The following SSH2 variants were observed in gnomAD, a reference collection of about 807,000 sequenced individuals.
SSH2 encodes the protein slingshot protein phosphatase 2.
A neutral mutation model predicts 135.2 loss-of-function variants in SSH2; 37 were observed. That is an observed-to-expected ratio of 0.27 (90% CI 0.21 to 0.36). The LOEUF is 0.36. Among genes scored for constraint, SSH2 ranks in the 10% least tolerant of loss-of-function variants. The pLI is 1.00. For synonymous variants in SSH2, 628 were observed against 646.2 expected (o/e 0.97, Z 0.43); for missense variants, 1,408 against 1,765.3 (o/e 0.80, Z 3.63).
At chr17:29,715,513 G>A (rs1019380725) in intron 3 of SSH2, among the ~76,000 whole-genome samples, 17 of 152,064 alleles carry the variant, frequency 1.1e-4, no homozygotes, top group Non-Finnish European at 2.4e-4. Context: ...CCAAAGTGCT[G>A]CGATTACAGG....
At chr17:29,709,052 A>AGAGAGC (rs1491229455) in intron 3 of SSH2, among the ~76,000 whole-genome samples, 43 of 144,650 alleles carry the variant, frequency 3.0e-4, no homozygotes, top group African/African-American at 9.5e-4. Context: ...AGAGAGAGAG[A>AGAGAGC]GCTAATAATA....
intron 2 of SSH2, among the ~76,000 whole-genome samples, chr17:29,831,666 G>A (rs1045352310): frequency 3.3e-5 from 5 of 151,482 alleles, no homozygotes; most frequent in African/African-American, 1.2e-4. Flanking sequence ...CTGCCTCCTG[G>A]GTTCAAGTGA....
At chr17:29,880,959 G>A (rs1269931331) in intron 1 of SSH2, among the ~76,000 whole-genome samples, 1 of 152,048 alleles carries the variant, frequency 6.6e-6, no homozygotes, top group African/African-American at 2.4e-5. Flanking sequence ...GGACCAAACA[G>A]CATATCCCAC....
chr17:29,914,823 T>C (rs1467981884), intron 1 of SSH2, among the ~76,000 whole-genome samples: 1 of 152,186 alleles, frequency 6.6e-6, no homozygotes, highest in Admixed American at 6.5e-5. Flanking sequence ...ATGACTTCAT[T>C]ACCATTACCA....
At chr17:29,633,168 T>C (rs2150963599) in intron 15 of SSH2, among the ~76,000 whole-genome samples, 1 of 152,258 alleles carries the variant, frequency 6.6e-6, no homozygotes, top group East Asian at 1.9e-4. Flanking sequence ...TACTAAACTT[T>C]CTGTTCTGTT....
intron 1 of SSH2, among the ~76,000 whole-genome samples, chr17:29,863,087 G>T (rs1423532860): frequency 1.3e-5 from 2 of 151,968 alleles, no homozygotes; most frequent in African/African-American, 2.4e-5. Context: ...TAAAAAAAAG[G>T]ACAAAGAATG....
intron 3 of SSH2, among the ~76,000 whole-genome samples, chr17:29,708,568 C>T (rs1030328050): frequency 9.0e-5 from 12 of 133,762 alleles, no homozygotes; most frequent in African/African-American, 1.7e-4. Context: ...CCAGCCTGGA[C>T]GACAGAGGGG....
chr17:29,867,301 T>C (rs1474693287), intron 1 of SSH2, among the ~76,000 whole-genome samples: 1 of 152,160 alleles, frequency 6.6e-6, no homozygotes, highest in African/African-American at 2.4e-5. Flanking sequence ...TTTTACAGTC[T>C]TTAAAACTGT....
chr17:29,684,224 G>A (rs1219665821), intron 6 of SSH2, among the ~76,000 whole-genome samples: 2 of 152,158 alleles, frequency 1.3e-5, no homozygotes, highest in African/African-American at 4.8e-5. Flanking sequence ...GCTCACGCCT[G>A]TAATCTCAGT....
chr17:29,632,859 T>C lies in SSH2; in HGVS notation c.2335A>G (p.Ile779Val). 2 of 1,614,184 alleles carry C rather than the reference T, an allele frequency of 1.2e-6. No homozygotes were observed. Among genetic ancestry groups the C allele is most frequent in the Admixed American group, 1.7e-5 (1 of 60,020 alleles). Residue 779 changes from isoleucine (I) to valine (V), a missense_variant, in exon 16 of 16, where the codon ATT becomes GTT. Coordinates refer to ENST00000540801, the MANE Select transcript of SSH2 (RefSeq NM_001282129.2). ...CTGATGGACTCAATTTCAGTGACAA[T>C]TTCTTTGACTGAAATTGCATTTTCC... ...HSENAISVKE[I>V]VTEIESISQG...
intron 10 of SSH2, 59 bp from the exon 11 acceptor site, chr17:29,667,054 T>C: frequency 1.2e-6 from 2 of 1,611,204 alleles, no homozygotes; most frequent in Non-Finnish European, 1.7e-6. Flanking sequence ...CTTTCAACCA[T>C]GCACTATTTC....
At chr17:29,913,190 C>T (rs2151475846) in intron 1 of SSH2, among the ~76,000 whole-genome samples, 1 of 148,694 alleles carries the variant, frequency 6.7e-6, no homozygotes, top group South Asian at 2.2e-4. Flanking sequence ...TGGTGGCACA[C>T]ATCTGTAATC....
At chr17:29,854,367 G>A (rs752608495) in intron 1 of SSH2, among the ~76,000 whole-genome samples, 2 of 151,682 alleles carry the variant, frequency 1.3e-5, no homozygotes, top group East Asian at 1.9e-4. Context: ...TTATGGGGAC[G>A]CAAAAACTAC....
chr17:29,845,672 G>A (rs769464373), intron 2 of SSH2, among the ~76,000 whole-genome samples: 5 of 151,156 alleles, frequency 3.3e-5, no homozygotes, highest in Non-Finnish European at 5.9e-5. Context: ...ATATCCTTCC[G>A]CCTTAGCCTC....
chr17:29,727,827 G>A (rs1158376488), intron 3 of SSH2, among the ~76,000 whole-genome samples: 1 of 152,072 alleles, frequency 6.6e-6, no homozygotes, highest in African/African-American at 2.4e-5. Context: ...TCCTAGACAG[G>A]GCAATCAGAC....
rs977122357 is a variant in SSH2, at chr17:29,756,495, C to G, written c.188+37399G>C. Reference sequence around the variant, plus strand: ...CCACCCACCCACCCACCCATCCATCCTCTCTCTTATCTATTTATTAGAGAC... The same window carrying G: ...CCACCCACCCACCCACCCATCCATCGTCTCTCTTATCTATTTATTAGAGAC... On this transcript the variant is annotated intron_variant, in intron 3 of 15. Transcript: ENST00000540801. Among the ~76,000 whole-genome samples, 171 of 147,202 alleles carry G rather than the reference C, an allele frequency of 1.2e-3. 1 individual carries two copies. Among genetic ancestry groups the G allele is most frequent in the African/African-American group, 3.8e-3 (153 of 39,858 alleles).
intron 1 of SSH2, among the ~76,000 whole-genome samples, chr17:29,862,487 G>A (rs1398405309): frequency 6.6e-6 from 1 of 152,210 alleles, no homozygotes; most frequent in Non-Finnish European, 1.5e-5. Context: ...GAGACCAACA[G>A]TCTTCACTCC....
chr17:29,888,731 T>G (rs377183879), intron 1 of SSH2, among the ~76,000 whole-genome samples: 1 of 148,808 alleles, frequency 6.7e-6, no homozygotes, highest in South Asian at 2.1e-4. Context: ...GCCAGGAGTG[T>G]GAGACCAGCC....
chr17:29,815,255 C>T (rs1027835853), intron 2 of SSH2, among the ~76,000 whole-genome samples: 3 of 151,772 alleles, frequency 2.0e-5, no homozygotes, highest in Non-Finnish European at 4.4e-5. Context: ...TCCCGAGTAG[C>T]TGGGATTACA....
Sources: gnomAD v4.1 joint callset for allele counts (sites outside exome capture counted in the v4.1 genomes callset) on GRCh38, gnomAD v4.1.1 for gene constraint, MANE v1.5 for transcripts, NCBI Gene and HGNC (gene_info 2026-07-23, HGNC 2026-07-21) for gene names.